Variants in CDH23 observed in about 807,000 individuals in gnomAD.
CDH23 encodes cadherin-23.
Under a neutral mutation model 317.1 loss-of-function variants are expected in CDH23, and 189 were observed. The observed-to-expected ratio is 0.60, with a 90% CI of 0.53 to 0.67. The LOEUF is 0.67. Ranked by LOEUF, CDH23 falls within the 30% of genes least tolerant of loss-of-function variation. The pLI is 0.00. For synonymous variants in CDH23, 1,839 were observed against 1,876.8 expected (o/e 0.98, Z 0.52); for missense variants, 4,401 against 4,592.4 (o/e 0.96, Z 1.20).
chr10:71,739,299 G>C (rs1839670371), intron 35 of CDH23, among the ~76,000 whole-genome samples: 1 of 152,162 alleles, frequency 6.6e-6, no homozygotes, highest in Non-Finnish European at 1.5e-5. Context: ...GAACCAAGTA[G>C]AGTCCAGGTA....
chr10:71,704,002 C>T (rs1406121603), intron 24 of CDH23, among the ~76,000 whole-genome samples: 1 of 152,174 alleles, frequency 6.6e-6, no homozygotes, highest in East Asian at 1.9e-4. Context: ...CCTGGTCCCA[C>T]CTAGGACCTC....
At position 71,707,060 on chromosome 10, in the gene CDH23, G is replaced by A. The variant is rs759689776; in HGVS notation, c.3106+11G>A. 31 of 1,595,394 alleles carry A rather than the reference G, an allele frequency of 1.9e-5. No individual in the cohort carries two copies. The highest frequency in any genetic ancestry group is 8.7e-5 in the Admixed American group (5 of 57,324). Reference sequence around the variant, plus strand: ...GCTACTTCATCACAGGTGCTGCCCCGGCCTCCGCCCACCTGTGCAGGCCTC... The same window carrying A: ...GCTACTTCATCACAGGTGCTGCCCCAGCCTCCGCCCACCTGTGCAGGCCTC... On this transcript the variant is annotated intron_variant, in intron 26 of 69. Coordinates refer to ENST00000224721, the MANE Select transcript of CDH23 (RefSeq NM_022124.6).
At chr10:71,812,364 T>C (rs1841962586) in intron 66 of CDH23, 116 bp from the exon 67 acceptor site, 4 of 1,600,834 alleles carry the variant, frequency 2.5e-6, no homozygotes, top group South Asian at 1.1e-5. Context: ...ACACCCCAAG[T>C]CAGTGAAAGG....
intron 21 of CDH23, 39 bp downstream of exon 21, chr10:71,694,298 C>G: frequency 1.3e-6 from 2 of 1,504,304 alleles, no homozygotes; most frequent in Non-Finnish European, 1.8e-6. Flanking sequence ...CTCCCCCTCG[C>G]CGGCCAGGCT....
At chr10:71,506,327 G>A (rs576095592) in intron 3 of CDH23, among the ~76,000 whole-genome samples, 2 of 152,336 alleles carry the variant, frequency 1.3e-5, no homozygotes, top group South Asian at 2.1e-4. Context: ...GCACAGCATC[G>A]TGAATGTACT....
At position 71,732,166 on chromosome 10, in the gene CDH23, G is replaced by C; in HGVS notation, c.3895G>C (p.Val1299Leu). ...APPFNQGFCS[V>L]YITLLNELDE... ...GCCCTTCAACCAGGGCTTCTGCAGC[G>C]TCTACATCACTCTGCTCAACGAGCT... The change falls in exon 32 of 70, where the codon GTC becomes CTC. Residue 1299 changes from valine (V) to leucine (L), a missense_variant. Transcript: ENST00000224721. 1 of 1,613,972 alleles carries C rather than the reference G, an allele frequency of 6.2e-7. No homozygotes were observed. Among genetic ancestry groups the C allele is most frequent in the Non-Finnish European group, 8.5e-7 (1 of 1,179,868 alleles).
At position 71,499,391 on chromosome 10, in the gene CDH23, A is replaced by G. The variant is rs181352055; in HGVS notation, c.146-10691A>G. On this transcript the variant is annotated intron_variant, in intron 3 of 69. Transcript: ENST00000224721. ...AACCTGACCAACATGGCAAAACCCT[A>G]TCTCTACTAAAAATACAAAAATTAG... 7.3e-5 allele frequency among the ~76,000 whole-genome samples: 11 copies of G among 151,556 alleles called. No homozygotes were observed. In the Middle Eastern group the frequency reaches 0.014, roughly 189 times the overall value.
At chr10:71,769,269 A>C (rs1424590044) in intron 38 of CDH23, among the ~76,000 whole-genome samples, 2 of 151,950 alleles carry the variant, frequency 1.3e-5, no homozygotes, top group African/African-American at 4.8e-5. Flanking sequence ...ATTTTATTTT[A>C]ATTTTTTGCA....
Position 71,731,981 on chromosome 10 carries a change from C to A in CDH23, c.3716-6C>A. 6.2e-7 allele frequency: 1 copy of A among 1,612,732 alleles called. No homozygotes were observed. ...GGGACTGCACAGCCTCTGTGTCCTC[C>A]TACAGGGGATGGTGGCCTGGTGAAC... On this transcript the variant is annotated splice_region_variant and splice_polypyrimidine_tract_variant and intron_variant, in intron 31 of 69. Coordinates refer to ENST00000224721, the MANE Select transcript of CDH23 (RefSeq NM_022124.6).
At chr10:71,630,739 G>A (rs867512469) in intron 11 of CDH23, among the ~76,000 whole-genome samples, 19 of 152,306 alleles carry the variant, frequency 1.2e-4, no homozygotes, top group Non-Finnish European at 2.1e-4. Context: ...CCAGGGCCTC[G>A]GTGAGGGGCT....
At chr10:71,557,237 G>A (rs1367301914) in intron 6 of CDH23, among the ~76,000 whole-genome samples, 1 of 152,184 alleles carries the variant, frequency 6.6e-6, no homozygotes, top group African/African-American at 2.4e-5. Context: ...TCTAGAATTA[G>A]TAATCACTTC....
intron 6 of CDH23, among the ~76,000 whole-genome samples, chr10:71,531,264 T>C: frequency 6.6e-6 from 1 of 152,164 alleles, no homozygotes; most frequent in East Asian, 1.9e-4. Flanking sequence ...CTGTCCTTCA[T>C]TTGCCAAGAC....
intron 14 of CDH23, among the ~76,000 whole-genome samples, chr10:71,654,011 G>C (rs1863300910): frequency 6.6e-6 from 1 of 152,182 alleles, no homozygotes; most frequent in South Asian, 2.1e-4. Context: ...CTCAGTTGGT[G>C]CGTTGGTTGA....
At chr10:71,419,628 G>A (rs1241668429) in intron 1 of CDH23, among the ~76,000 whole-genome samples, 1 of 149,658 alleles carries the variant, frequency 6.7e-6, no homozygotes, top group Non-Finnish European at 1.5e-5. Context: ...ACTCACCACT[G>A]GAATTCTATA....
At chr10:71,500,717 G>A (rs1257988763) in intron 3 of CDH23, among the ~76,000 whole-genome samples, 1 of 152,102 alleles carries the variant, frequency 6.6e-6, no homozygotes, top group African/African-American at 2.4e-5. Flanking sequence ...TTGGACTCCT[G>A]GCTTGCTGAC....
chr10:71,779,167 T>C, intron 40 of CDH23, 100 bp from the exon 41 acceptor site: 11 of 1,139,846 alleles, frequency 9.7e-6, no homozygotes, highest in Non-Finnish European at 1.4e-5. Flanking sequence ...ATGGGCCTCA[T>C]GAGGCAGAAT....
At chr10:71,635,091 G>C (rs10466022) in intron 11 of CDH23, 17 of 152,164 alleles carry the variant, frequency 1.1e-4, no homozygotes, top group African/African-American at 4.1e-4. Context: ...ACAGACAGGT[G>C]GTAAAGTATA....
intron 38 of CDH23, among the ~76,000 whole-genome samples, chr10:71,763,746 G>A (rs1448817768): frequency 6.6e-6 from 1 of 152,250 alleles, no homozygotes; most frequent in Non-Finnish European, 1.5e-5. Flanking sequence ...CATGCGAGTA[G>A]TCGGCGCTTG....
In CDH23 at chr10:71,511,167, C is replaced by T. The variant is rs766060083; in HGVS notation, c.384C>T (p.Asn128=). The change falls in exon 6 of 70, where the codon AAC becomes AAT. Residue 128 remains asparagine (N), a synonymous_variant. Transcript: ENST00000224721. The part of the protein sequence containing the change: ...VNIQVGDVND[N]APTFHNQPYS... ...TCCAGGTTGGGGATGTGAATGACAA[C>T]GCGCCCACATTTCACAATCAGCCCT... The T allele has an allele frequency of 1.9e-5, 31 of 1,613,530 alleles. No homozygotes were observed. The highest frequency in any genetic ancestry group is 1.6e-4 in the Middle Eastern group (1 of 6,082).
Sources: gnomAD v4.1 joint callset for allele counts (sites outside exome capture counted in the v4.1 genomes callset) on GRCh38, gnomAD v4.1.1 for gene constraint, MANE v1.5 for transcripts, NCBI Gene and HGNC (gene_info 2026-07-23, HGNC 2026-07-21) for gene names.